SIK2: variants seen among roughly 807,000 people sequenced by gnomAD.
The protein encoded by SIK2 is serine/threonine-protein kinase SIK2.
In SIK2, 29 loss-of-function variants were observed where a neutral mutation model predicts 103.2. The ratio of observed to expected loss-of-function variants is 0.28; its 90% confidence interval spans 0.21 to 0.38. The LOEUF is 0.38. SIK2 is among the 10% of genes least tolerant of loss of function. The pLI, the probability that SIK2 is intolerant of heterozygous loss-of-function variation, is 1.00. For missense variants in SIK2, 879 were observed against 1,171.0 expected, an observed-to-expected ratio of 0.75 and a Z score of 3.64; for synonymous variants, 412 against 446.1, an observed-to-expected ratio of 0.92 and a Z score of 0.96.
chr11:111,698,532 A>C (rs775012421), intron 4 of SIK2, among the ~76,000 whole-genome samples: 1 of 152,206 alleles, frequency 6.6e-6, no homozygotes, highest in Non-Finnish European at 1.5e-5. Flanking sequence ...GCGTCAGCCC[A>C]GGAGTTGGAG....
chr11:111,696,160 G>GA (rs1159010142), intron 4 of SIK2, among the ~76,000 whole-genome samples: 3 of 152,174 alleles, frequency 2.0e-5, no homozygotes, highest in African/African-American at 7.2e-5. Flanking sequence ...AGGCCATATA[G>GA]AACCCAGGTG....
chr11:111,635,557 C>T (rs1215965440), intron 3 of SIK2, among the ~76,000 whole-genome samples: 13 of 151,834 alleles, frequency 8.6e-5, no homozygotes, highest in Admixed American at 8.5e-4. Context: ...CTTTCTACGC[C>T]TAAATAGTTG....
chr11:111,672,406 G>C (rs1295568254), intron 3 of SIK2: 7 of 407,552 alleles, frequency 1.7e-5, no homozygotes, highest in Non-Finnish European at 2.9e-5. Context: ...GATGGACACA[G>C]TGGAGGCAGG....
At chr11:111,670,573 A>G (rs1209132418) in intron 3 of SIK2, among the ~76,000 whole-genome samples, 3 of 152,238 alleles carry the variant, frequency 2.0e-5, no homozygotes, top group African/African-American at 7.2e-5. Context: ...TGTTGGGAAT[A>G]TTAGTGCGTG....
At chr11:111,622,088 T>G (rs1412216888) in intron 3 of SIK2, among the ~76,000 whole-genome samples, 1 of 152,080 alleles carries the variant, frequency 6.6e-6, no homozygotes, top group Non-Finnish European at 1.5e-5. Context: ...TATCTATCAG[T>G]GTAGCTACCT....
chr11:111,698,362 C>G (rs74958423), intron 4 of SIK2, among the ~76,000 whole-genome samples: 1 of 152,218 alleles, frequency 6.6e-6, no homozygotes. Flanking sequence ...TGACAGGCCT[C>G]TGTCCCATTC....
intron 3 of SIK2, among the ~76,000 whole-genome samples, chr11:111,676,729 G>C (rs886803542): frequency 8.5e-5 from 13 of 152,136 alleles, no homozygotes; most frequent in African/African-American, 2.7e-4. Context: ...TAACAAATCT[G>C]CTTCCTTCAT....
At chr11:111,616,132 CA>C (rs1349884226) in intron 1 of SIK2, 110 bp from the exon 2 acceptor site, 3 of 655,894 alleles carry the variant, frequency 4.6e-6, no homozygotes, top group Non-Finnish European at 8.1e-6. Flanking sequence ...CTGCTATCAT[CA>C]GTGTCAGGAA....
intron 3 of SIK2, among the ~76,000 whole-genome samples, chr11:111,637,517 T>C (rs1942126143): frequency 6.8e-6 from 1 of 147,730 alleles, no homozygotes; most frequent in Non-Finnish European, 1.5e-5. Flanking sequence ...TGGAGTGCGG[T>C]GGCACAATCT....
At chr11:111,644,266 C>T (rs193066230) in intron 3 of SIK2, among the ~76,000 whole-genome samples, 8 of 129,384 alleles carry the variant, frequency 6.2e-5, no homozygotes, top group African/African-American at 1.2e-4. Context: ...TCCAGCCTGG[C>T]GACAGAGCGA....
intron 3 of SIK2, 90 bp from the exon 4 acceptor site, chr11:111,687,911 A>G: frequency 6.8e-7 from 1 of 1,477,408 alleles, no homozygotes; most frequent in Non-Finnish European, 9.2e-7. Context: ...GGCCAGAAAA[A>G]AAACTTTTTG....
At chr11:111,621,568 A>T (rs1226062869) in intron 3 of SIK2, among the ~76,000 whole-genome samples, 1 of 152,296 alleles carries the variant, frequency 6.6e-6, no homozygotes, top group African/African-American at 2.4e-5. Flanking sequence ...GTACATTCGT[A>T]TACAAGTCTA....
intron 3 of SIK2, among the ~76,000 whole-genome samples, chr11:111,647,604 G>C (rs1281032361): frequency 7.0e-6 from 1 of 142,614 alleles, no homozygotes; most frequent in African/African-American, 2.6e-5. Flanking sequence ...GTGGCTCACA[G>C]CCTGTAATCC....
chr11:111,656,059 G>T (rs866815805), intron 3 of SIK2, among the ~76,000 whole-genome samples: 24 of 150,026 alleles, frequency 1.6e-4, no homozygotes, highest in African/African-American at 5.9e-4. Context: ...GTTTGGTGCT[G>T]CGTACCTGTG....
At chr11:111,615,691 A>G (rs1281474946) in intron 1 of SIK2, among the ~76,000 whole-genome samples, 1 of 152,208 alleles carries the variant, frequency 6.6e-6, no homozygotes, top group East Asian at 1.9e-4. Flanking sequence ...TGCAGTTACT[A>G]ACATTTTAGT....
chr11:111,643,849 G>A (rs550123034), intron 3 of SIK2, among the ~76,000 whole-genome samples: 1 of 152,020 alleles, frequency 6.6e-6, no homozygotes, highest in Admixed American at 6.6e-5. Context: ...TAGGCATGGT[G>A]CTGTGCAGCT....
rs188802125 is a variant in SIK2 at position 111,618,340 on chromosome 11, C to T, written c.252+1981C>T. Among the ~76,000 whole-genome samples the T allele has an allele frequency of 9.7e-4, 147 of 152,152 alleles. 2 individuals are homozygous for T. Among genetic ancestry groups the T allele is most frequent in the Non-Finnish European group, 1.3e-4 (9 of 67,998 alleles). On this transcript the variant is annotated intron_variant, in intron 2 of 14. Transcript: ENST00000304987. ...CCACGGACTGCACCAGTCTGTGACC[C>T]GGCGGTTAGGAACCCCTGCTTTAAA...
In SIK2 at chr11:111,700,119, C is replaced by T. The variant is rs114940808; in HGVS notation, c.479-767C>T. Among the ~76,000 whole-genome samples the T allele has an allele frequency of 3.9e-3, 601 of 152,320 alleles. 8 individuals are homozygous for T. The highest frequency in any genetic ancestry group is 0.014 in the African/African-American group (580 of 41,584). On this transcript the variant is annotated intron_variant, in intron 4 of 14. Transcript: ENST00000304987. ...GAACTTGCATTTGTAACAATACTTA[C>T]TAAATTTTTTAATGCATGTTGAAGG...
chr11:111,603,280 C>T (rs1941608726), intron 1 of SIK2, among the ~76,000 whole-genome samples: 1 of 152,136 alleles, frequency 6.6e-6, no homozygotes, highest in African/African-American at 2.4e-5. Flanking sequence ...TTCCTTTTGG[C>T]CCAGGGTGTC....
Sources: gnomAD v4.1 joint callset for allele counts (sites outside exome capture counted in the v4.1 genomes callset) on GRCh38, gnomAD v4.1.1 for gene constraint, MANE v1.5 for transcripts, NCBI Gene and HGNC (gene_info 2026-07-23, HGNC 2026-07-21) for gene names.